The following GPC5 variants were observed in gnomAD, a reference collection of about 807,000 sequenced individuals.
The protein encoded by GPC5 is glypican-5.
In GPC5, 47 loss-of-function variants were observed where a neutral mutation model predicts 53.9. The ratio of observed to expected loss-of-function variants is 0.87; its 90% CI spans 0.69 to 1.11. The LOEUF is 1.11. Ranked by LOEUF, GPC5 falls within the 50% of genes most tolerant of loss-of-function variation. The pLI, the probability that GPC5 is intolerant of heterozygous loss-of-function variation, is 0.00. For missense variants in GPC5, 748 were observed against 713.1 expected (o/e 1.05, Z -0.56); for synonymous variants, 286 against 263.3 (o/e 1.09, Z -0.84).
chr13:92,321,287 A>G (rs1185165837), intron 7 of GPC5, among the ~76,000 whole-genome samples: 1 of 152,242 alleles, frequency 6.6e-6, no homozygotes, highest in Non-Finnish European at 1.5e-5. Flanking sequence ...AGCTGAAGTT[A>G]AAGATGAGTC....
chr13:91,860,448 T>TATC (rs1491537930), intron 5 of GPC5, among the ~76,000 whole-genome samples: 9 of 100,334 alleles, frequency 9.0e-5, no homozygotes, highest in East Asian at 4.1e-4. Flanking sequence ...TATATATATA[T>TATC]CTATCCTTCC....
intron 5 of GPC5, among the ~76,000 whole-genome samples, chr13:91,879,171 G>A (rs2039237766): frequency 6.6e-6 from 1 of 151,906 alleles, no homozygotes; most frequent in Non-Finnish European, 1.5e-5. Context: ...TAAGTTCTGG[G>A]ATACATGTGC....
At chr13:92,512,172 G>A (rs555476045) in intron 7 of GPC5, among the ~76,000 whole-genome samples, 11 of 152,058 alleles carry the variant, frequency 7.2e-5, no homozygotes, top group South Asian at 2.1e-4. Context: ...TTTTCTCCCC[G>A]ATTCTGCCCT....
At chr13:92,097,250 A>G (rs771084503) in intron 6 of GPC5, among the ~76,000 whole-genome samples, 11 of 152,240 alleles carry the variant, frequency 7.2e-5, no homozygotes, top group Admixed American at 5.9e-4. Flanking sequence ...GAGGTTTCCT[A>G]GAAAACTGTT....
chr13:91,421,999 A>G (rs1878670053), intron 1 of GPC5, among the ~76,000 whole-genome samples: 1 of 152,226 alleles, frequency 6.6e-6, no homozygotes, highest in African/African-American at 2.4e-5. Flanking sequence ...AGTAATGAAA[A>G]TGGGATGGAG....
At chr13:92,247,081 TA>T (rs1177814728) in intron 7 of GPC5, among the ~76,000 whole-genome samples, 1 of 152,150 alleles carries the variant, frequency 6.6e-6, no homozygotes, top group Non-Finnish European at 1.5e-5. Context: ...GGACATTGTG[TA>T]AAACTAAACA....
At chr13:91,688,737 C>G (rs1489023692) in intron 2 of GPC5, among the ~76,000 whole-genome samples, 1 of 152,090 alleles carries the variant, frequency 6.6e-6, no homozygotes, top group African/African-American at 2.4e-5. Flanking sequence ...CTGCTACACA[C>G]CTAGGCTATA....
At chr13:92,502,479 T>C (rs545516962) in intron 7 of GPC5, among the ~76,000 whole-genome samples, 1 of 151,796 alleles carries the variant, frequency 6.6e-6, no homozygotes, top group Admixed American at 6.6e-5. Flanking sequence ...CTACAAAAAA[T>C]TCGCTTCAGA....
chr13:91,625,527 G>C (rs115971780), intron 2 of GPC5, among the ~76,000 whole-genome samples: 2 of 151,970 alleles, frequency 1.3e-5, no homozygotes, highest in Non-Finnish European at 2.9e-5. Flanking sequence ...TGAGTAGAGA[G>C]AGTGGAAGAA....
intron 5 of GPC5, among the ~76,000 whole-genome samples, chr13:91,836,091 T>C (rs998422632): frequency 6.6e-6 from 1 of 152,006 alleles, no homozygotes; most frequent in Admixed American, 6.6e-5. Context: ...CAGAAGAGAA[T>C]ACTAAGCACT....
intron 2 of GPC5, among the ~76,000 whole-genome samples, chr13:91,580,727 T>G (rs1294683322): frequency 6.6e-6 from 1 of 152,220 alleles, no homozygotes; most frequent in Non-Finnish European, 1.5e-5. Flanking sequence ...TCCTATTCCT[T>G]GCCATGCACA....
At chr13:92,034,660 T>C (rs185462808) in intron 6 of GPC5, among the ~76,000 whole-genome samples, 1 of 152,304 alleles carries the variant, frequency 6.6e-6, no homozygotes, top group Admixed American at 6.5e-5. Flanking sequence ...TTTATATTTA[T>C]TATGTTAAAT....
chr13:91,574,645 T>C (rs971019778), intron 2 of GPC5, among the ~76,000 whole-genome samples: 2 of 152,152 alleles, frequency 1.3e-5, no homozygotes, highest in African/African-American at 4.8e-5. Flanking sequence ...ACACTATATA[T>C]GCATGCCTAG....
In GPC5 at chr13:92,527,439, T is replaced by A. The variant is rs551996776; in HGVS notation, c.1562-338843T>A. Among the ~76,000 whole-genome samples, 6 of 152,178 alleles carry A rather than the reference T, an allele frequency of 3.9e-5. No homozygotes were observed. In the South Asian group the frequency reaches 8.3e-4, roughly 21 times the overall value. ...TAATAGCCAAAACTGTCAATCATGT[T>A]GGATGCTGCTAAGAGGACAAGTAAA... On this transcript the variant is annotated intron_variant, in intron 7 of 7. Coordinates refer to ENST00000377067, the MANE Select transcript of GPC5 (RefSeq NM_004466.6).
chr13:92,365,093 G>A (rs994284409), intron 7 of GPC5, among the ~76,000 whole-genome samples: 5 of 151,692 alleles, frequency 3.3e-5, no homozygotes, highest in Non-Finnish European at 5.9e-5. Flanking sequence ...TACCTTCTGA[G>A]AAATGCAGTG....
chr13:92,223,432 A>G (rs775574171), intron 7 of GPC5, among the ~76,000 whole-genome samples: 1 of 152,188 alleles, frequency 6.6e-6, no homozygotes. Context: ...GGGGTCTTCT[A>G]TCAGCAGAAC....
At chr13:91,566,351 G>A (rs1594262674) in intron 2 of GPC5, among the ~76,000 whole-genome samples, 1 of 152,142 alleles carries the variant, frequency 6.6e-6, no homozygotes, top group East Asian at 1.9e-4. Context: ...AGATCACGAG[G>A]TCAAGAGATC....
At chr13:92,295,355 G>T (rs2043027255) in intron 7 of GPC5, among the ~76,000 whole-genome samples, 1 of 152,046 alleles carries the variant, frequency 6.6e-6, no homozygotes, top group South Asian at 2.1e-4. Context: ...TTGATTTCCA[G>T]TTTTTTTCCA....
rs201293917 is a variant in GPC5, at chr13:91,929,732, CTT to C, written c.1401+21677_1401+21678del. Among the ~76,000 whole-genome samples the C allele has an allele frequency of 2.1e-3, 314 of 152,038 alleles. 3 individuals are homozygous for C. Among genetic ancestry groups the C allele is most frequent in the African/African-American group, 7.1e-3 (293 of 41,506 alleles). Reference sequence around the variant, plus strand: ...TACATTTTCCTGCTGTTCCTTTATTCTTTGTTTCATGTATATCTATTTTCAAG... The same window carrying C: ...TACATTTTCCTGCTGTTCCTTTATTCTGTTTCATGTATATCTATTTTCAAG... On this transcript the variant is annotated intron_variant, in intron 6 of 7. Coordinates refer to ENST00000377067, the MANE Select transcript of GPC5 (RefSeq NM_004466.6).
Sources: allele counts gnomAD v4.1 joint callset (sites outside exome capture counted in the v4.1 genomes callset), GRCh38; gene constraint gnomAD v4.1.1; transcripts MANE v1.5; gene names NCBI Gene and HGNC (gene_info 2026-07-23, HGNC 2026-07-21).